Variants in MYH11 observed in about 807,000 individuals in gnomAD.
MYH11 encodes myosin-11.
Under a neutral mutation model 246.6 loss-of-function variants are expected in MYH11, and 80 were observed. The observed-to-expected ratio is 0.32, with a 90% CI of 0.27 to 0.39. The LOEUF is 0.39. Ranked by LOEUF, MYH11 falls within the 10% of genes least tolerant of loss-of-function variation. MYH11 has a pLI of 1.00. For synonymous variants in MYH11, 1,071 were observed against 1,015.5 expected (o/e 1.05, Z -1.04); for missense variants, 2,158 against 2,546.8 (o/e 0.85, Z 3.29).
At chr16:15,741,409 G>A in intron 22 of MYH11, 54 bp downstream of exon 22, 1 of 1,575,848 alleles carries the variant, frequency 6.3e-7, no homozygotes, top group Admixed American at 1.7e-5. Flanking sequence ...ACAGGCCTGT[G>A]GTGAGGGTCA....
At chr16:15,779,017 G>A (rs938534742) in intron 6 of MYH11, 174 bp from the exon 7 acceptor site, 5 of 700,868 alleles carry the variant, frequency 7.1e-6, no homozygotes, top group Non-Finnish European at 1.3e-5. Context: ...CATCTGCTGA[G>A]CTGAAACCAC....
chr16:15,853,798 G>A (rs1032276616), intron 1 of MYH11, among the ~76,000 whole-genome samples: 2 of 152,114 alleles, frequency 1.3e-5, no homozygotes, highest in African/African-American at 4.8e-5. Context: ...CAAGCCAGGC[G>A]AATCACTTGA....
At chr16:15,736,099 G>A (rs2041109679) in intron 25 of MYH11, among the ~76,000 whole-genome samples, 2 of 152,224 alleles carry the variant, frequency 1.3e-5, no homozygotes, top group South Asian at 4.1e-4. Flanking sequence ...CCTGTTAAAT[G>A]GCAGAATGCT....
chr16:15,714,947 G>T lies in MYH11; in HGVS notation c.5748C>A (p.Ala1916=). The T allele has an allele frequency of 6.2e-7, 1 of 1,614,102 alleles. No homozygotes were observed. Among genetic ancestry groups the T allele is most frequent in the South Asian group, 1.1e-5 (1 of 91,078 alleles). Residue 1916 remains alanine, a synonymous_variant, in exon 40 of 41, where the codon GCC becomes GCA. Transcript: ENST00000300036. ...ELDEATESNE[A]MGREVNALKS... is the part of the protein sequence containing the mutation. ...TGAGTGCGTTCACCTCGCGGCCCAT[G>T]GCCTCGTTGCTCTCCGTGGCCTCAT...
chr16:15,836,817 C>T (rs1244362676), intron 2 of MYH11, among the ~76,000 whole-genome samples: 3 of 150,952 alleles, frequency 2.0e-5, no homozygotes, highest in Admixed American at 1.3e-4. Context: ...CTCTGCCTCC[C>T]GGGTTCAAGC....
At position 15,721,080 on chromosome 16, in the gene MYH11, A is replaced by T. The variant is rs113126316; in HGVS notation, c.4579-29T>A. 1.2e-5 allele frequency: 19 copies of T among 1,610,310 alleles called. No individual in the cohort carries two copies. The Middle Eastern group carries it at 1.3e-3, about 112-fold the overall frequency. ...CCGGCAGAGCGGGCAGCCCCATTCT[A>T]TGAGGCTCAACTTCATGAAGACGAT... On this transcript the variant is annotated intron_variant, in intron 32 of 40. Coordinates refer to ENST00000300036, the MANE Select transcript of MYH11 (RefSeq NM_002474.3).
intron 3 of MYH11, among the ~76,000 whole-genome samples, chr16:15,820,630 A>G (rs993937274): frequency 3.3e-5 from 5 of 152,222 alleles, no homozygotes; most frequent in Admixed American, 1.3e-4. Flanking sequence ...GACCCATCAA[A>G]TAAATCTGTA....
In MYH11 at chr16:15,727,016, C is replaced by A; in HGVS notation, c.3690G>T (p.Glu1230Asp). Residue 1230 changes from glutamate to aspartate, a missense_variant, in exon 28 of 41, where the codon GAG becomes GAT. Around this residue, in one of 11 missense-constraint regions of MYH11, gnomAD observed 1,013 missense variants for 993.5 expected, o/e 1.02. Transcript: ENST00000300036. ...CCCCGGCCAGGTCTGCGTTCTCTTTCTCCAGCGTCTGCTTATTCTTGTCTA... is the reference window on the plus strand; with the variant it reads ...CCCCGGCCAGGTCTGCGTTCTCTTTATCCAGCGTCTGCTTATTCTTGTCTA... ...ANLDKNKQTL[E>D]KENADLAGEL... 6.2e-7 allele frequency: 1 copy of A among 1,612,028 alleles called. No homozygotes were observed. The highest frequency in any genetic ancestry group is 8.5e-7 in the Non-Finnish European group (1 of 1,178,910).
At chr16:15,816,366 A>G (rs2043263037) in intron 3 of MYH11, among the ~76,000 whole-genome samples, 1 of 152,122 alleles carries the variant, frequency 6.6e-6, no homozygotes, top group South Asian at 2.1e-4. Context: ...ATTTAGAAAG[A>G]GATTTTGGGG....
chr16:15,744,376 G>T (rs937590091), intron 20 of MYH11, among the ~76,000 whole-genome samples: 1 of 151,946 alleles, frequency 6.6e-6, no homozygotes, highest in African/African-American at 2.4e-5. Flanking sequence ...TGTACATTTA[G>T]TAGAGACAGG....
intron 20 of MYH11, 107 bp from the exon 21 acceptor site, chr16:15,741,998 A>C (rs1169699438): frequency 1.3e-6 from 2 of 1,495,442 alleles, no homozygotes; most frequent in Non-Finnish European, 1.8e-6. Flanking sequence ...GCCCCCACCG[A>C]TCCCCACTAG....
At chr16:15,737,003 G>T (rs1390939513) in intron 25 of MYH11, among the ~76,000 whole-genome samples, 1 of 152,094 alleles carries the variant, frequency 6.6e-6, no homozygotes, top group Non-Finnish European at 1.5e-5. Flanking sequence ...GCTTGCTGTG[G>T]GTCGGCAGAA....
At chr16:15,772,878 C>T (rs1479708619) in intron 8 of MYH11, among the ~76,000 whole-genome samples, 1 of 152,172 alleles carries the variant, frequency 6.6e-6, no homozygotes, top group Non-Finnish European at 1.5e-5. Context: ...CACATGTGCC[C>T]TCCTTATAAC....
Position 15,808,720 on chromosome 16 carries a change from C to T in MYH11, c.503-10033G>A, listed in dbSNP as rs139850231. On this transcript the variant is annotated intron_variant, in intron 3 of 40. Coordinates refer to ENST00000300036, the MANE Select transcript of MYH11 (RefSeq NM_002474.3). ...GAGACTCAAAGCGAGACCCCTATCT[C>T]TATGAAAAAAAAATTTTTTTTAATT... 2.4e-4 allele frequency among the ~76,000 whole-genome samples: 37 copies of T among 151,938 alleles called. No homozygotes were observed. In the East Asian group the frequency reaches 7.2e-3, roughly 29 times the overall value.
At chr16:15,758,147 C>G in intron 12 of MYH11, 147 bp from the exon 13 acceptor site, 3 of 1,168,608 alleles carry the variant, frequency 2.6e-6, no homozygotes, top group Non-Finnish European at 3.8e-6. Context: ...GGCTGAGGCC[C>G]CAAAACATGC....
chr16:15,749,872 C>T, intron 16 of MYH11: 1 of 590,982 alleles, frequency 1.7e-6, no homozygotes, highest in Non-Finnish European at 3.0e-6. Context: ...CAGGGCAGAG[C>T]CCAGTGAATA....
At chr16:15,842,431 G>C (rs191741601) in intron 1 of MYH11, among the ~76,000 whole-genome samples, 3 of 151,952 alleles carry the variant, frequency 2.0e-5, no homozygotes, top group Admixed American at 2.0e-4. Context: ...TTTGCTCAGA[G>C]ATTTTCTGCT....
At chr16:15,795,271 C>T (rs1251619512) in intron 4 of MYH11, among the ~76,000 whole-genome samples, 2 of 151,026 alleles carry the variant, frequency 1.3e-5, no homozygotes, top group Non-Finnish European at 2.9e-5. Context: ...CCAGCCTGGG[C>T]AACAGAGTGA....
At position 15,748,173 on chromosome 16, in the gene MYH11, A is replaced by G; in HGVS notation, c.2059-5T>C. ...GAACGCATCCAGCTTGCCGGACTGC[A>G]AAGGTCAAAGAGGGCAGTGGATCCC... On this transcript the variant is annotated splice_region_variant and splice_polypyrimidine_tract_variant and intron_variant, in intron 16 of 40. Transcript: ENST00000300036. 1 of 1,613,532 alleles carries G rather than the reference A, an allele frequency of 6.2e-7. No individual in the cohort carries two copies. Among genetic ancestry groups the G allele is most frequent in the East Asian group, 2.2e-5 (1 of 44,882 alleles).
Sources: allele counts gnomAD v4.1 joint callset (sites outside exome capture counted in the v4.1 genomes callset), GRCh38; gene constraint gnomAD v4.1.1; regional missense constraint gnomAD v4.1.1; transcripts MANE v1.5; gene names NCBI Gene and HGNC (gene_info 2026-07-23, HGNC 2026-07-21).